SPOCK1: variants seen among roughly 807,000 people sequenced by gnomAD.
The protein encoded by SPOCK1 is SPARC (osteonectin), cwcv and kazal like domains proteoglycan 1.
Under a neutral mutation model 55.3 loss-of-function variants are expected in SPOCK1, and 23 were observed. That is an observed-to-expected ratio of 0.42 (90% CI 0.30 to 0.59). The LOEUF (loss-of-function observed/expected upper bound fraction) is 0.59, where lower values mean the gene tolerates loss of function less well. Ranked by LOEUF, SPOCK1 falls within the 20% of genes least tolerant of loss-of-function variation. The pLI, the probability that SPOCK1 is intolerant of heterozygous loss-of-function variation, is 0.22. For missense variants in SPOCK1, 499 were observed against 552.5 expected, an observed-to-expected ratio of 0.90 and a Z score of 0.97; for synonymous variants, 226 against 221.0, an observed-to-expected ratio of 1.02 and a Z score of -0.20.
At chr5:137,140,818 G>C (rs1467341800) in intron 3 of SPOCK1, 124 bp from the exon 4 acceptor site, 1 of 572,260 alleles carries the variant, frequency 1.7e-6, no homozygotes, top group African/African-American at 2.0e-5. Flanking sequence ...GTGTGCGGTG[G>C]CGCGATCTCA....
intron 4 of SPOCK1, among the ~76,000 whole-genome samples, chr5:137,113,774 T>C (rs138707448): frequency 1.4e-3 from 214 of 152,270 alleles, no homozygotes; most frequent in African/African-American, 4.9e-3. Flanking sequence ...ACCATAACCA[T>C]AGAAATGTGA....
chr5:137,410,131 C>A (rs964815303), intron 2 of SPOCK1, among the ~76,000 whole-genome samples: 1 of 152,244 alleles, frequency 6.6e-6, no homozygotes. Context: ...CACCACAGAC[C>A]TTATTATCTT....
At chr5:137,417,164 G>C (rs994797474) in intron 2 of SPOCK1, among the ~76,000 whole-genome samples, 3 of 151,816 alleles carry the variant, frequency 2.0e-5, no homozygotes, top group Non-Finnish European at 4.4e-5. Flanking sequence ...GACTTTCTAA[G>C]AGCCCAAGTT....
At chr5:137,407,056 A>G (rs1391314948) in intron 2 of SPOCK1, among the ~76,000 whole-genome samples, 1 of 152,242 alleles carries the variant, frequency 6.6e-6, no homozygotes, top group African/African-American at 2.4e-5. Flanking sequence ...AGGCATTAAC[A>G]GCATCCTGGA....
intron 2 of SPOCK1, among the ~76,000 whole-genome samples, chr5:137,305,631 G>T (rs574318220): frequency 1.3e-5 from 2 of 152,298 alleles, no homozygotes; most frequent in South Asian, 2.1e-4. Context: ...TGTCCTCACA[G>T]CTTAACGGCC....
chr5:137,422,180 T>C lies in SPOCK1; in HGVS notation c.186+76193A>G, dbSNP rs574950138. ...GCCGAGAGATACGCTGTTAGTCTGA[T>C]GGGGTAACCCAACCTTTGTCTCTGG... On this transcript the variant is annotated intron_variant, in intron 2 of 10. Coordinates refer to ENST00000394945, the MANE Select transcript of SPOCK1 (RefSeq NM_004598.4). Among the ~76,000 whole-genome samples the C allele has an allele frequency of 8.6e-5, 13 of 151,810 alleles. No homozygotes were observed. The South Asian group carries it at 2.7e-3, about 32-fold the overall frequency.
Position 137,459,164 on chromosome 5 carries a change from C to T in SPOCK1, c.186+39209G>A, listed in dbSNP as rs369486970. Among the ~76,000 whole-genome samples, 16 of 152,168 alleles carry T rather than the reference C, an allele frequency of 1.1e-4. No homozygotes were observed. In the East Asian group the frequency reaches 1.3e-3, roughly 13 times the overall value. On this transcript the variant is annotated intron_variant, in intron 2 of 10. Coordinates refer to ENST00000394945, the MANE Select transcript of SPOCK1 (RefSeq NM_004598.4). ...CTCAAACTGAGTGGGTGAGGATGTA[C>T]GTGTCGTGTAGTCTTCTGCGAGCTA...
intron 2 of SPOCK1, among the ~76,000 whole-genome samples, chr5:137,444,015 G>A (rs1381216339): frequency 6.6e-6 from 1 of 152,178 alleles, no homozygotes; most frequent in East Asian, 1.9e-4. Flanking sequence ...GGCATAAACA[G>A]GCATAAAGCG....
intron 3 of SPOCK1, among the ~76,000 whole-genome samples, chr5:137,147,641 C>G (rs1199101009): frequency 6.6e-6 from 1 of 152,180 alleles, no homozygotes; most frequent in Non-Finnish European, 1.5e-5. Context: ...CCTATCAGCT[C>G]AGGGCTCCAC....
chr5:136,983,361 C>A (rs777446304), intron 9 of SPOCK1, among the ~76,000 whole-genome samples: 5 of 152,158 alleles, frequency 3.3e-5, no homozygotes, highest in Non-Finnish European at 5.9e-5. Flanking sequence ...ATCATATTCT[C>A]AGAGATTAAA....
chr5:137,288,433 C>G (rs1158468645), intron 2 of SPOCK1, among the ~76,000 whole-genome samples: 1 of 152,182 alleles, frequency 6.6e-6, no homozygotes, highest in Non-Finnish European at 1.5e-5. Flanking sequence ...CACAATGCTT[C>G]CCCTTCTAAA....
chr5:137,111,061 G>C (rs1218401717), intron 5 of SPOCK1, among the ~76,000 whole-genome samples: 1 of 152,118 alleles, frequency 6.6e-6, no homozygotes, highest in Non-Finnish European at 1.5e-5. Context: ...TATGACCCGT[G>C]CATCACAAAA....
chr5:137,306,481 G>A (rs1757702947), intron 2 of SPOCK1, among the ~76,000 whole-genome samples: 1 of 152,148 alleles, frequency 6.6e-6, no homozygotes, highest in South Asian at 2.1e-4. Flanking sequence ...CATCTGTGTA[G>A]GAAGTTGTGT....
chr5:137,176,053 C>A (rs1393376923), intron 3 of SPOCK1, among the ~76,000 whole-genome samples: 2 of 152,154 alleles, frequency 1.3e-5, no homozygotes, highest in South Asian at 2.1e-4. Context: ...ATATCAAACC[C>A]AGAGGAATGC....
intron 4 of SPOCK1, among the ~76,000 whole-genome samples, chr5:137,119,239 C>T (rs917570097): frequency 1.3e-5 from 2 of 152,286 alleles, no homozygotes; most frequent in South Asian, 4.1e-4. Context: ...ACTATCAAAT[C>T]GCCTATTCAA....
At chr5:137,441,740 C>T (rs1329589325) in intron 2 of SPOCK1, among the ~76,000 whole-genome samples, 1 of 152,168 alleles carries the variant, frequency 6.6e-6, no homozygotes. Context: ...AGCAAAAGAG[C>T]ACAGACCCAC....
At chr5:137,122,420 GCT>G (rs1561617426) in intron 4 of SPOCK1, among the ~76,000 whole-genome samples, 1 of 152,036 alleles carries the variant, frequency 6.6e-6, no homozygotes. Flanking sequence ...TTAGTGATGC[GCT>G]CTGTTTTAAA....
chr5:137,050,958 T>C (rs1396462197), intron 6 of SPOCK1, among the ~76,000 whole-genome samples: 1 of 152,222 alleles, frequency 6.6e-6, no homozygotes, highest in African/African-American at 2.4e-5. Flanking sequence ...CATTTCCAGA[T>C]GGAACAACAA....
intron 2 of SPOCK1, among the ~76,000 whole-genome samples, chr5:137,439,314 C>T (rs1213707205): frequency 6.6e-6 from 1 of 152,190 alleles, no homozygotes; most frequent in East Asian, 1.9e-4. Context: ...CTTCCCTTCT[C>T]TTGCCCTAGG....
Sources: gnomAD v4.1 joint callset for allele counts (sites outside exome capture counted in the v4.1 genomes callset) on GRCh38, gnomAD v4.1.1 for gene constraint, MANE v1.5 for transcripts, NCBI Gene and HGNC (gene_info 2026-07-23, HGNC 2026-07-21) for gene names.